SENP3: variants seen among roughly 807,000 people sequenced by gnomAD.
The protein encoded by SENP3 is SUMO specific peptidase 3, also known as sentrin-specific protease 3.
In SENP3, 11 loss-of-function variants were observed where a neutral mutation model predicts 66.2. The observed-to-expected ratio is 0.17, with a 90% CI of 0.10 to 0.28. The LOEUF (loss-of-function observed/expected upper bound fraction) is 0.28. Ranked by LOEUF, SENP3 falls within the 10% of genes least tolerant of loss-of-function variation. The pLI is 1.00. For missense variants in SENP3, 548 were observed against 743.7 expected, an observed-to-expected ratio of 0.74 and a Z score of 3.06; for synonymous variants, 292 against 277.6, an observed-to-expected ratio of 1.05 and a Z score of -0.52.
chr17:7,570,524 A>T lies in SENP3; in HGVS notation c.1479+31A>T. On this transcript the variant is annotated intron_variant, in intron 8 of 10. Coordinates refer to ENST00000321337, the MANE Select transcript of SENP3 (RefSeq NM_015670.6). The surrounding 1 kb of genome is among the most constrained non-coding windows in gnomAD (Gnocchi z 5.4). ...AGGGGGTAGGAGAGAGATGGGCAAA[A>T]TGTGGGGCGGTGCAGTGGCAAGGCA... is the stretch of plus-strand genomic sequence containing the variant. The T allele has an allele frequency of 6.2e-7, 1 of 1,603,106 alleles. No individual in the cohort carries two copies.
At position 7,562,022 on chromosome 17, in the gene SENP3, C is replaced by CGGCGGT. The variant is rs572236512; in HGVS notation, c.-247_-242dup. On this transcript the variant is annotated 5_prime_UTR_variant, in exon 1 of 11. Transcript: ENST00000321337. This position sits in a 1 kb window ranked among gnomAD's most constrained non-coding sequence, Gnocchi z 5.0. ...GCGGCGGCGGCGGTGGCGCTGGTGG[C>CGGCGGT]GGCGGTGGCGGAGGTGGAGGTGGAG... 1.1e-3 allele frequency: 446 copies of CGGCGGT among 399,996 alleles called. 3 individuals are homozygous for CGGCGGT. Among genetic ancestry groups the CGGCGGT allele is most frequent in the African/African-American group, 8.4e-3 (406 of 48,520 alleles). The allele number at this position is 399,996 out of a possible 1,614,324, so 24.8% of individuals were successfully genotyped here.
chr17:7,562,942 T>G lies in SENP3; in HGVS notation c.-11-124T>G. 1 of 1,289,866 alleles carries G rather than the reference T, an allele frequency of 7.8e-7. No homozygotes were observed. Among genetic ancestry groups the G allele is most frequent in the South Asian group, 2.6e-5 (1 of 38,682 alleles). The allele number at this position is 1,289,866 out of a possible 1,614,324, so 79.9% of individuals were successfully genotyped here. A position where few individuals can be genotyped will look rare whatever the true frequency, so the allele number is the denominator to read the frequency against. ...AACCGGGAAGATCTTAAGTTAGGAG[T>G]TTTGCGTTTTTTCCTCTTTTCTTTA... On this transcript the variant is annotated intron_variant, in intron 1 of 10. Coordinates refer to ENST00000321337, the MANE Select transcript of SENP3 (RefSeq NM_015670.6). This position sits in a 1 kb window ranked among gnomAD's most constrained non-coding sequence, Gnocchi z 5.0.
rs1442059107 is a variant in SENP3, at chr17:7,561,993, AGTGGCGGCGGCGGCGGTGGCGCTG to A, written c.-271_-248del. 10 of 395,932 alleles carry A rather than the reference AGTGGCGGCGGCGGCGGTGGCGCTG, an allele frequency of 2.5e-5. No homozygotes were observed. Among genetic ancestry groups the A allele is most frequent in the African/African-American group, 6.3e-5 (3 of 47,784 alleles). 24.5% of individuals were successfully genotyped at this position (395,932 alleles called of 1,614,324 possible). On this transcript the variant is annotated 5_prime_UTR_variant, in exon 1 of 11. Transcript: ENST00000321337. This position sits in a 1 kb window ranked among gnomAD's most constrained non-coding sequence, Gnocchi z 4.4. The stretch of plus-strand genomic sequence containing the variant: ...GGAGGGGAAGGAGGAGGGGGGGAGG[AGTGGCGGCGGCGGCGGTGGCGCTG>A]GTGGCGGCGGTGGCGGAGGTGGAGG...
rs913856658 is a variant in SENP3 at position 7,562,202 on chromosome 17, C to T, written c.-73C>T. The stretch of plus-strand genomic sequence containing the variant: ...CGCCGCCGTCGCCGGAGAGATGAGC[C>T]GGGAAGCTTGAGGCCGGAGACGCCC... On this transcript the variant is annotated 5_prime_UTR_variant, in exon 1 of 11. Transcript: ENST00000321337. The surrounding 1 kb of genome is among the most constrained non-coding windows in gnomAD (Gnocchi z 5.0). 1 of 398,482 alleles carries T rather than the reference C, an allele frequency of 2.5e-6. No individual in the cohort carries two copies. Among genetic ancestry groups the T allele is most frequent in the African/African-American group, 2.1e-5 (1 of 48,618 alleles). The allele number at this position is 398,482 out of a possible 1,614,324, so 24.7% of individuals were successfully genotyped here. A position where few individuals can be genotyped will look rare whatever the true frequency, so the allele number is the denominator to read the frequency against.
In SENP3 at chr17:7,563,560, G is replaced by T. The variant is rs1040576050; in HGVS notation, c.484G>T (p.Ala162Ser). The T allele has an allele frequency of 7.1e-6, 11 of 1,550,508 alleles. No individual in the cohort carries two copies. In the African/African-American group the frequency reaches 9.6e-5, roughly 14 times the overall value. The stretch of plus-strand genomic sequence containing the variant: ...CCACCGGGGCCGGCGGCGGGGCCTC[G>T]CACACCCCAAGAACCATCTTTCACC... ...GRHRGRRRGL[A>S]HPKNHLSPQQ... The change falls in exon 2 of 11, where the codon GCA becomes TCA. Residue 162 changes from alanine to serine, a missense_variant. By Grantham distance (99) the Ala-to-Ser change is moderately conservative. Around this residue, in one of 6 missense-constraint regions of SENP3, gnomAD observed 215 missense variants for 230.7 expected, o/e 0.93. Coordinates refer to ENST00000321337, the MANE Select transcript of SENP3 (RefSeq NM_015670.6).
chr17:7,570,779 G>A lies in SENP3; in HGVS notation c.1563+15G>A, dbSNP rs748194575. 2 of 1,608,560 alleles carry A rather than the reference G, an allele frequency of 1.2e-6. No individual in the cohort carries two copies. Among genetic ancestry groups the A allele is most frequent in the Non-Finnish European group, 1.7e-6 (2 of 1,177,022 alleles). ...ACTTCAAAATGGTGAGTTTCCTGAGGGAGGGGTATAGGGTGTTGGTGGGGA... is the reference window on the plus strand; with the variant it reads ...ACTTCAAAATGGTGAGTTTCCTGAGAGAGGGGTATAGGGTGTTGGTGGGGA... On this transcript the variant is annotated intron_variant, in intron 9 of 10. Transcript: ENST00000321337. This position sits in a 1 kb window ranked among gnomAD's most constrained non-coding sequence, Gnocchi z 5.4.
intron 7 of SENP3, among the ~76,000 whole-genome samples, chr17:7,568,166 AG>A (rs1352800423): frequency 6.6e-6 from 1 of 150,974 alleles, no homozygotes; most frequent in Non-Finnish European, 1.5e-5. Flanking sequence ...TAGCCCCTCT[AG>A]GTGGCTTCAT....
Position 7,562,370 on chromosome 17 carries a change from G to A in SENP3, c.-12+107G>A, listed in dbSNP as rs368905283. ...AGAGGCCCGCATAGGGGCTTCTTAA[G>A]GCCCGTGTGCGCCGAGCCATCCAAG... On this transcript the variant is annotated intron_variant, in intron 1 of 10. Transcript: ENST00000321337. The surrounding 1 kb of genome is among the most constrained non-coding windows in gnomAD (Gnocchi z 5.0). 9 of 395,998 alleles carry A rather than the reference G, an allele frequency of 2.3e-5. No individual in the cohort carries two copies. The highest frequency in any genetic ancestry group is 6.2e-5 in the African/African-American group (3 of 48,684). 24.5% of individuals were successfully genotyped at this position (395,998 alleles called of 1,614,324 possible).
chr17:7,563,122 C>T lies in SENP3; in HGVS notation c.46C>T (p.Pro16Ser), dbSNP rs1402083839. 2.0e-6 allele frequency: 3 copies of T among 1,525,398 alleles called. No individual in the cohort carries two copies. The highest frequency in any genetic ancestry group is 1.4e-5 in the African/African-American group (1 of 71,952). The allele number at this position is 1,525,398 out of a possible 1,614,324, so 94.5% of individuals were successfully genotyped here. A position where few individuals can be genotyped will look rare whatever the true frequency, so the allele number is the denominator to read the frequency against. Residue 16 changes from proline to serine, a missense_variant, in exon 2 of 11, where the codon CCT (proline) becomes TCT (serine). Transcript: ENST00000321337. ...QGTGSWGPEP[P>S]GPGIPPAYSS... ...GACCGGGTCCTGGGGGCCTGAGCCT[C>T]CTGGACCCGGCATACCCCCAGCTTA...
chr17:7,568,396 G>A (rs1237240959), intron 7 of SENP3, among the ~76,000 whole-genome samples: 1 of 152,210 alleles, frequency 6.6e-6, no homozygotes, highest in East Asian at 1.9e-4. Flanking sequence ...AAGAGATTGA[G>A]ACCAGCCTGG....
Position 7,570,280 on chromosome 17 carries a change from G to T in SENP3, c.1342-76G>T, listed in dbSNP as rs2071302496. On this transcript the variant is annotated intron_variant, in intron 7 of 10. Transcript: ENST00000321337. The surrounding 1 kb of genome is among the most constrained non-coding windows in gnomAD (Gnocchi z 5.4). The stretch of plus-strand genomic sequence containing the variant: ...ACTTGGTTCCCTTACCTGTGTCTCT[G>T]TTCCTCTCTAGAACCTTCATGGCAA... 3.9e-6 allele frequency: 6 copies of T among 1,548,794 alleles called. No homozygotes were observed. The East Asian group carries it at 1.4e-4, about 35-fold the overall frequency.
chr17:7,565,161 T>TGGGGAGGAGGAAGCTAGAGCTGAA (rs1374994999), intron 4 of SENP3, 91 bp downstream of exon 4: 2 of 1,034,860 alleles, frequency 1.9e-6, no homozygotes, highest in East Asian at 5.2e-5. Flanking sequence ...GGGCTGTAGT[T>TGGGGAGGAGGAAGCTAGAGCTGAA]GGGGAGGAGG....
Position 7,570,612 on chromosome 17 carries a change from A to G in SENP3, c.1480-69A>G. The G allele has an allele frequency of 6.3e-7, 1 of 1,575,880 alleles. No individual in the cohort carries two copies. Among genetic ancestry groups the G allele is most frequent in the East Asian group, 2.3e-5 (1 of 43,390 alleles). ...CGACCTGGGCATGGTGTCTGCCAGC[A>G]CTGTACCCACCATACTGTGTTCAAT... is the stretch of plus-strand genomic sequence containing the variant. On this transcript the variant is annotated intron_variant, in intron 8 of 10. Coordinates refer to ENST00000321337, the MANE Select transcript of SENP3 (RefSeq NM_015670.6). The surrounding 1 kb of genome is among the most constrained non-coding windows in gnomAD (Gnocchi z 5.4).
rs566815047 is a variant in SENP3 at position 7,566,797 on chromosome 17, C to T, written c.1264-130C>T. ...CCAACCTGGGCAACATAGTGAGACC[C>T]TGTCTCTACCAAAAAAAAAAGAAAA... On this transcript the variant is annotated intron_variant, in intron 6 of 10. Coordinates refer to ENST00000321337, the MANE Select transcript of SENP3 (RefSeq NM_015670.6). 1.2e-4 allele frequency: 84 copies of T among 703,966 alleles called. No individual in the cohort carries two copies. The African/African-American group carries it at 1.3e-3, about 11-fold the overall frequency. The allele number at this position is 703,966 out of a possible 1,614,324, so 43.6% of individuals were successfully genotyped here.
chr17:7,571,596 T>C lies in SENP3; in HGVS notation c.*113T>C. The C allele has an allele frequency of 3.0e-6, 2 of 664,512 alleles. No homozygotes were observed. The highest frequency in any genetic ancestry group is 5.2e-6 in the Non-Finnish European group (2 of 382,014). The allele number at this position is 664,512 out of a possible 1,614,324, so 41.2% of individuals were successfully genotyped here. A position where few individuals can be genotyped will look rare whatever the true frequency, so the allele number is the denominator to read the frequency against. Reference sequence around the variant, plus strand: ...CCTCTTCCCACTCACTTCCCTTTGGTTTTTCATATTTAAATGTTTCAATTT... The same window carrying C: ...CCTCTTCCCACTCACTTCCCTTTGGCTTTTCATATTTAAATGTTTCAATTT... On this transcript the variant is annotated 3_prime_UTR_variant, in exon 11 of 11. Coordinates refer to ENST00000321337, the MANE Select transcript of SENP3 (RefSeq NM_015670.6).
Position 7,570,026 on chromosome 17 carries a change from T to C in SENP3, c.1342-330T>C, listed in dbSNP as rs1035618585. ...TTGCCCACTGTCATAAGCCAGTAAATGGAGGAGCTGTATTTGAATTCTGGC... is the reference window on the plus strand; with the variant it reads ...TTGCCCACTGTCATAAGCCAGTAAACGGAGGAGCTGTATTTGAATTCTGGC... On this transcript the variant is annotated intron_variant, in intron 7 of 10. Transcript: ENST00000321337. The surrounding 1 kb of genome is among the most constrained non-coding windows in gnomAD (Gnocchi z 5.4). Among the ~76,000 whole-genome samples, 4 of 152,148 alleles carry C rather than the reference T, an allele frequency of 2.6e-5. No individual in the cohort carries two copies. The highest frequency in any genetic ancestry group is 4.8e-5 in the African/African-American group (2 of 41,432).
At position 7,571,442 on chromosome 17, in the gene SENP3, C is replaced by G; in HGVS notation, c.1684C>G (p.Gln562Glu). Residue 562 changes from glutamine to glutamate, a missense_variant, in exon 11 of 11, where the codon CAG (glutamine) becomes GAG (glutamate). By Grantham distance (29) the Gln-to-Glu change is conservative. Coordinates refer to ENST00000321337, the MANE Select transcript of SENP3 (RefSeq NM_015670.6). ...TQQDMPKLRR[Q>E]IYKELCHCKL... ...GCAGGACATGCCCAAACTTCGTCGG[C>G]AGATCTACAAGGAGCTGTGTCACTG... The G allele has an allele frequency of 6.2e-7, 1 of 1,613,448 alleles. No individual in the cohort carries two copies. The highest frequency in any genetic ancestry group is 1.3e-5 in the African/African-American group (1 of 74,840).
Position 7,562,171 on chromosome 17 carries a change from C to T in SENP3, c.-104C>T, listed in dbSNP as rs564955270. 5.4e-4 allele frequency: 214 copies of T among 398,314 alleles called. 1 individual carries two copies. The highest frequency in any genetic ancestry group is 2.3e-3 in the South Asian group (18 of 7,930). The allele number at this position is 398,314 out of a possible 1,614,324, so 24.7% of individuals were successfully genotyped here. A position where few individuals can be genotyped will look rare whatever the true frequency, so the allele number is the denominator to read the frequency against. On this transcript the variant is annotated 5_prime_UTR_variant, in exon 1 of 11. Coordinates refer to ENST00000321337, the MANE Select transcript of SENP3 (RefSeq NM_015670.6). The surrounding 1 kb of genome is among the most constrained non-coding windows in gnomAD (Gnocchi z 5.0). ...CTGCGCCTAAAGACAGCAGGAGTGG[C>T]GGGGCCGCCGCCGTCGCCGGAGAGA...
At chr17:7,566,807 CA>C (rs974781500) in intron 6 of SENP3, 119 bp from the exon 7 acceptor site, 6,201 of 606,166 alleles carry the variant, frequency 0.01, no homozygotes, top group Middle Eastern at 0.013. Flanking sequence ...CTGTCTCTAC[CA>C]AAAAAAAAAG....
Sources: allele counts gnomAD v4.1 joint callset (sites outside exome capture counted in the v4.1 genomes callset), GRCh38; gene constraint gnomAD v4.1.1; regional missense constraint gnomAD v4.1.1; non-coding constraint Gnocchi (gnomAD v3.1); transcripts MANE v1.5; gene names NCBI Gene and HGNC (gene_info 2026-07-23, HGNC 2026-07-21).